Variants in DSC3 observed in about 807,000 individuals in gnomAD.
DSC3 encodes desmocollin-3.
A neutral mutation model predicts 89.5 loss-of-function variants in DSC3; 97 were observed. The observed-to-expected ratio is 1.08, with a 90% CI of 0.92 to 1.28. DSC3 has a LOEUF of 1.28. Among genes scored for constraint, DSC3 ranks in the 50% most tolerant of loss-of-function variants. The pLI, the probability that DSC3 is intolerant of heterozygous loss-of-function variation, is 0.00. For missense variants in DSC3, 1,199 were observed against 1,085.3 expected (o/e 1.10, Z -1.47); for synonymous variants, 436 against 384.1 (o/e 1.14, Z -1.58).
At chr18:31,020,243 T>A (rs571785943) in intron 7 of DSC3, among the ~76,000 whole-genome samples, 17 of 152,198 alleles carry the variant, frequency 1.1e-4, no homozygotes, top group African/African-American at 3.6e-4. Context: ...AATCAGATTA[T>A]TCAATTCAGG....
chr18:31,001,079 T>TG (rs1567949482), intron 14 of DSC3, among the ~76,000 whole-genome samples: 1 of 127,246 alleles, frequency 7.9e-6, no homozygotes, highest in East Asian at 2.7e-4. Flanking sequence ...TATATATACT[T>TG]TGTGTGTGTG....
chr18:31,008,416 A>G lies in DSC3; in HGVS notation c.1373T>C (p.Val458Ala). 1.9e-6 allele frequency: 3 copies of G among 1,614,174 alleles called. No individual in the cohort carries two copies. The highest frequency in any genetic ancestry group is 2.5e-6 in the Non-Finnish European group (3 of 1,180,022). ...PRVTALNRAL[V>A]TVHVRDLDEG... ...ATCCAGATCCCTCACATGAACTGTA[A>G]CCAAGGCTCTGTTCAAGGCTGTCAC... is the stretch of plus-strand genomic sequence containing the variant. The change falls in exon 10 of 16, where the codon GTT (valine) becomes GCT (alanine). Residue 458 changes from valine (V) to alanine (A), a missense_variant. Coordinates refer to ENST00000360428, the MANE Select transcript of DSC3 (RefSeq NM_001941.5).
intron 9 of DSC3, among the ~76,000 whole-genome samples, chr18:31,009,417 T>C (rs1184358691): frequency 6.6e-6 from 1 of 152,204 alleles, no homozygotes; most frequent in African/African-American, 2.4e-5. Context: ...TGCTTTTCTT[T>C]TATCAAAATC....
rs565483220 is a variant in DSC3, at chr18:31,018,269, G to T, written c.1078-13C>A. On this transcript the variant is annotated splice_polypyrimidine_tract_variant and intron_variant, in intron 8 of 15. Coordinates refer to ENST00000360428, the MANE Select transcript of DSC3 (RefSeq NM_001941.5). ...CAAATGCTTCATACTGAAACAGAAA[G>T]AAGTCATTGAAAATTGAAATTTTAT... The T allele has an allele frequency of 1.1e-5, 17 of 1,594,950 alleles. No homozygotes were observed. The highest frequency in any genetic ancestry group is 1.4e-5 in the Non-Finnish European group (17 of 1,173,006).
rs149148363 is a variant in DSC3 at position 31,022,443 on chromosome 18, G to A, written c.835C>T (p.Arg279Cys). 8.2e-5 allele frequency: 133 copies of A among 1,613,890 alleles called. No homozygotes were observed. Among genetic ancestry groups the A allele is most frequent in the Non-Finnish European group, 9.8e-5 (116 of 1,179,982 alleles). Residue 279 changes from arginine (R) to cysteine (C), a missense_variant, in exon 7 of 16, where the codon CGC (arginine) becomes TGC (cysteine). Transcript: ENST00000360428. ...DRDEPDTMHT[R>C]LKYSILQQTP... ...TGCTGCAAAATGCTGTATTTCAGGCGCGTATGCATTGTGTCCGGTTCATCT... is the reference window on the plus strand; with the variant it reads ...TGCTGCAAAATGCTGTATTTCAGGCACGTATGCATTGTGTCCGGTTCATCT...
chr18:31,007,110 G>A lies in DSC3; in HGVS notation c.1685C>T (p.Thr562Ile). 6.2e-7 allele frequency: 1 copy of A among 1,613,180 alleles called. No homozygotes were observed. The highest frequency in any genetic ancestry group is 1.1e-5 in the South Asian group (1 of 91,058). ...IDKDDRSCTGTLAVNIEDVND... is the reference protein window; with the variant it reads ...IDKDDRSCTGILAVNIEDVND... ...TACATCTTCAATGTTCACAGCAAGT[G>A]TTCCAGTACATGATCTATCATCTAA... The change falls in exon 12 of 16, where the codon ACA (threonine) becomes ATA (isoleucine). Residue 562 changes from threonine to isoleucine, a missense_variant. Thr to Ile is a moderately conservative substitution (Grantham distance 89). Coordinates refer to ENST00000360428, the MANE Select transcript of DSC3 (RefSeq NM_001941.5).
chr18:31,026,207 G>C (rs1985593935), intron 4 of DSC3, among the ~76,000 whole-genome samples: 1 of 152,060 alleles, frequency 6.6e-6, no homozygotes, highest in Non-Finnish European at 1.5e-5. Flanking sequence ...AAGTGCAAGG[G>C]AACAGGCTGG....
rs1453026056 is a variant in DSC3 at position 30,989,750 on chromosome 18, C to G, written c.*4425G>C. 2.0e-5 allele frequency among the ~76,000 whole-genome samples: 3 copies of G among 152,016 alleles called. No homozygotes were observed. Among genetic ancestry groups the G allele is most frequent in the Non-Finnish European group, 4.4e-5 (3 of 68,018 alleles). On this transcript the variant is annotated 3_prime_UTR_variant, in exon 16 of 16. Coordinates refer to ENST00000360428, the MANE Select transcript of DSC3 (RefSeq NM_001941.5). The stretch of plus-strand genomic sequence containing the variant: ...TCTGAATACTATTTAATTTTTCTGC[C>G]CATGAAACCAAGCCTAATTCTAAAT...
rs1489792604 is a variant in DSC3 at position 31,034,991 on chromosome 18, ATTG to A, written c.70-2718_70-2716del. Among the ~76,000 whole-genome samples, 549 of 152,304 alleles carry A rather than the reference ATTG, an allele frequency of 3.6e-3. 2 individuals carry two copies. Among genetic ancestry groups the A allele is most frequent in the African/African-American group, 0.012 (482 of 41,582 alleles). ...GTTTAAAACAAAAAAGGACACTGTC[ATTG>A]ATCAAAAAAATGACTTTCCACAATC... On this transcript the variant is annotated intron_variant, in intron 1 of 15. Coordinates refer to ENST00000360428, the MANE Select transcript of DSC3 (RefSeq NM_001941.5).
Position 31,007,440 on chromosome 18 carries a change from G to A in DSC3, c.1664-309C>T, listed in dbSNP as rs138664934. On this transcript the variant is annotated intron_variant, in intron 11 of 15. Transcript: ENST00000360428. Reference sequence around the variant, plus strand: ...TCCAGGTGCCACATGTTAGTAAGCAGTAAAGTGGTTACAGATAAGATTTCT... The same window carrying A: ...TCCAGGTGCCACATGTTAGTAAGCAATAAAGTGGTTACAGATAAGATTTCT... Among the ~76,000 whole-genome samples, 330 of 152,274 alleles carry A rather than the reference G, an allele frequency of 2.2e-3. 1 individual carries two copies. Among genetic ancestry groups the A allele is most frequent in the African/African-American group, 7.6e-3 (316 of 41,558 alleles).
chr18:31,024,737 G>A (rs1598546708), intron 5 of DSC3, among the ~76,000 whole-genome samples: 1 of 152,226 alleles, frequency 6.6e-6, no homozygotes, highest in East Asian at 1.9e-4. Context: ...TGAAGTCGGG[G>A]CTGACTCTGT....
At chr18:30,998,347 C>T (rs1984545252) in intron 14 of DSC3, among the ~76,000 whole-genome samples, 1 of 152,042 alleles carries the variant, frequency 6.6e-6, no homozygotes, top group Non-Finnish European at 1.5e-5. Context: ...TGAAGGCAAA[C>T]AGGTAGATGG....
At chr18:31,002,870 C>G (rs1324260151) in intron 13 of DSC3, among the ~76,000 whole-genome samples, 1 of 152,204 alleles carries the variant, frequency 6.6e-6, no homozygotes, top group African/African-American at 2.4e-5. Context: ...ATGGAAAACA[C>G]ATGGCCTGCA....
chr18:31,006,579 C>T (rs1984851142), intron 12 of DSC3, among the ~76,000 whole-genome samples: 1 of 152,130 alleles, frequency 6.6e-6, no homozygotes, highest in South Asian at 2.1e-4. Context: ...GGATTACAGG[C>T]ATGAGTCACC....
intron 1 of DSC3, among the ~76,000 whole-genome samples, chr18:31,041,772 A>C (rs185299711): frequency 0.011 from 1,699 of 152,240 alleles, 33 homozygotes; most frequent in African/African-American, 0.039. Flanking sequence ...CCTGGGCGGC[A>C]GGTTTCCGTA....
intron 9 of DSC3, among the ~76,000 whole-genome samples, chr18:31,017,669 A>G (rs569780440): frequency 1.3e-5 from 2 of 152,340 alleles, no homozygotes; most frequent in South Asian, 2.1e-4. Flanking sequence ...TACAGAAAGT[A>G]AGTCTCAAAT....
chr18:31,003,205 T>C (rs1240306751), intron 13 of DSC3, among the ~76,000 whole-genome samples: 1 of 151,966 alleles, frequency 6.6e-6, no homozygotes, highest in Non-Finnish European at 1.5e-5. Flanking sequence ...ACCAATACCC[T>C]CCTCACCAAC....
At position 31,001,759 on chromosome 18, in the gene DSC3, T is replaced by C; in HGVS notation, c.2114-20A>G. On this transcript the variant is annotated intron_variant, in intron 13 of 15. Coordinates refer to ENST00000360428, the MANE Select transcript of DSC3 (RefSeq NM_001941.5). ...ATACAGCTGAATTTAAAAATAAAAA[T>C]AAAATAACTTACTTTAGCATACATA... 1 of 1,556,814 alleles carries C rather than the reference T, an allele frequency of 6.4e-7. No individual in the cohort carries two copies. Among genetic ancestry groups the C allele is most frequent in the Non-Finnish European group, 8.7e-7 (1 of 1,145,212 alleles).
At chr18:30,995,971 TAAAAAAA>T (rs1196444633) in intron 15 of DSC3, among the ~76,000 whole-genome samples, 380 of 37,034 alleles carry the variant, frequency 0.01, 12 homozygotes, top group African/African-American at 0.047. Flanking sequence ...GACCCTGCCT[TAAAAAAA>T]AAAAAAAAAA....
Sources: gnomAD v4.1 joint callset for allele counts (sites outside exome capture counted in the v4.1 genomes callset) on GRCh38, gnomAD v4.1.1 for gene constraint, MANE v1.5 for transcripts, NCBI Gene and HGNC (gene_info 2026-07-23, HGNC 2026-07-21) for gene names.